The following NUP214 variants were observed in gnomAD, a reference collection of about 807,000 sequenced individuals.
NUP214 encodes nuclear pore complex protein Nup214.
A neutral mutation model predicts 196.2 loss-of-function variants in NUP214; 79 were observed. The observed-to-expected ratio is 0.40, with a 90% CI of 0.34 to 0.49. NUP214 has a LOEUF of 0.49. Ranked by LOEUF, NUP214 falls within the 20% of genes least tolerant of loss-of-function variation. The pLI, the probability that NUP214 is intolerant of heterozygous loss-of-function variation, is 0.58. For synonymous variants in NUP214, 1,020 were observed against 990.5 expected, an observed-to-expected ratio of 1.03 and a Z score of -0.56; for missense variants, 2,468 against 2,539.0, an observed-to-expected ratio of 0.97 and a Z score of 0.60.
In NUP214 at chr9:131,198,971, C is replaced by T; in HGVS notation, c.5477C>T (p.Thr1826Ile). ...GTCTTTGGTGGTACCTCAGCTGCCA[C>T]CACAACAGCAGCAACCTCTGGGTTC... is the stretch of plus-strand genomic sequence containing the variant. Reference protein sequence around the residue: ...GSVFGGTSAATTTAATSGFSF... With the variant: ...GSVFGGTSAAITTAATSGFSF... The change falls in exon 29 of 36, where the codon ACC becomes ATC. Residue 1826 changes from threonine to isoleucine, a missense_variant. Thr to Ile is a moderately conservative substitution (Grantham distance 89). Around this residue, in one of 5 missense-constraint regions of NUP214, gnomAD observed 1,801 missense variants for 1,779.4 expected, o/e 1.01. Transcript: ENST00000359428. 1 of 1,612,504 alleles carries T rather than the reference C, an allele frequency of 6.2e-7. No individual in the cohort carries two copies. The highest frequency in any genetic ancestry group is 8.5e-7 in the Non-Finnish European group (1 of 1,178,742).
intron 27 of NUP214, among the ~76,000 whole-genome samples, chr9:131,194,421 A>G (rs982401566): frequency 1.3e-5 from 2 of 151,932 alleles, no homozygotes; most frequent in African/African-American, 4.8e-5. Context: ...TTTGTTTTGT[A>G]GAAACAGGGT....
chr9:131,178,207 T>C, intron 23 of NUP214, 104 bp from the exon 24 acceptor site: 2 of 788,320 alleles, frequency 2.5e-6, no homozygotes, highest in South Asian at 1.6e-5. Context: ...GATAAGGCTC[T>C]AATCTGCTTG....
At chr9:131,156,229 T>C (rs1318143856) in intron 17 of NUP214, among the ~76,000 whole-genome samples, 1 of 150,014 alleles carries the variant, frequency 6.7e-6, no homozygotes, top group African/African-American at 2.5e-5. Flanking sequence ...ACCTCCCGGG[T>C]TCACGCCATC....
chr9:131,145,324 C>A (rs1832057731), intron 12 of NUP214, among the ~76,000 whole-genome samples: 1 of 152,120 alleles, frequency 6.6e-6, no homozygotes, highest in Non-Finnish European at 1.5e-5. Flanking sequence ...TTATCTTGTT[C>A]TTTTCTTCCC....
chr9:131,184,674 A>C (rs187610127), intron 24 of NUP214, among the ~76,000 whole-genome samples: 28 of 152,128 alleles, frequency 1.8e-4, no homozygotes, highest in Non-Finnish European at 3.5e-4. Context: ...TCAAAGCTCT[A>C]ATGCAATTCC....
intron 21 of NUP214, 86 bp downstream of exon 21, chr9:131,164,230 T>C: frequency 8.3e-7 from 1 of 1,202,544 alleles, no homozygotes; most frequent in Non-Finnish European, 1.2e-6. Context: ...CACGTGTGCA[T>C]GTGTGAGCTA....
At chr9:131,230,899 G>A (rs1039451350) in intron 34 of NUP214, 130 bp downstream of exon 34, 34 of 1,087,374 alleles carry the variant, frequency 3.1e-5, no homozygotes, top group African/African-American at 1.3e-4. Context: ...CGTGGTTCAC[G>A]CCTGTAATCC....
At chr9:131,170,017 A>G (rs1213419444) in intron 21 of NUP214, among the ~76,000 whole-genome samples, 2 of 152,056 alleles carry the variant, frequency 1.3e-5, no homozygotes, top group African/African-American at 4.8e-5. Context: ...GAAAATGGGG[A>G]GTTAGTGTTT....
In NUP214 at chr9:131,192,194, T is replaced by TTTTG; in HGVS notation, c.3575-13_3575-12insTTGT. The TTTTG allele has an allele frequency of 7.9e-7, 1 of 1,269,260 alleles. No homozygotes were observed. Among genetic ancestry groups the TTTTG allele is most frequent in the African/African-American group, 1.6e-5 (1 of 62,070 alleles). The allele number at this position is 1,269,260 out of a possible 1,614,324, so 78.6% of individuals were successfully genotyped here. On this transcript the variant is annotated splice_polypyrimidine_tract_variant and intron_variant, in intron 26 of 35. Transcript: ENST00000359428. ...CTTTTTTTTTTTTTTTTTTTTTTTT[T>TTTTG]TCCATAATTTCAGGGACAGCCAAGA...
At position 131,146,451 on chromosome 9, in the gene NUP214, T is replaced by G. The variant is rs963837909; in HGVS notation, c.1945+147T>G. 3.5e-5 allele frequency: 28 copies of G among 800,024 alleles called. No homozygotes were observed. The highest frequency in any genetic ancestry group is 1.8e-4 in the Admixed American group (7 of 39,378). The allele number at this position is 800,024 out of a possible 1,614,324, so 49.6% of individuals were successfully genotyped here. ...TACATTAATGATTAATGTGCTGTGA[T>G]TTTCATACTCTGAATTGGGAGATTT... On this transcript the variant is annotated intron_variant, in intron 13 of 35. Coordinates refer to ENST00000359428, the MANE Select transcript of NUP214 (RefSeq NM_005085.4). The surrounding 1 kb of genome is among the most constrained non-coding windows in gnomAD (Gnocchi z 4.6).
intron 4 of NUP214, among the ~76,000 whole-genome samples, 167 bp from the exon 5 acceptor site, chr9:131,130,599 A>G (rs1487291600): frequency 6.6e-6 from 1 of 152,254 alleles, no homozygotes; most frequent in Non-Finnish European, 1.5e-5. Flanking sequence ...CAATTGGCTT[A>G]TATCGTTAAA....
chr9:131,198,949 T>G lies in NUP214; in HGVS notation c.5455T>G (p.Phe1819Val). ...SPGFGQGGSVFGGTSAATTTA... is the reference protein window; with the variant it reads ...SPGFGQGGSVVGGTSAATTTA... ...TGGCTTTGGACAGGGAGGCTCTGTCTTTGGTGGTACCTCAGCTGCCACCAC... is the reference window on the plus strand; with the variant it reads ...TGGCTTTGGACAGGGAGGCTCTGTCGTTGGTGGTACCTCAGCTGCCACCAC... The change falls in exon 29 of 36, where the codon TTT becomes GTT. Residue 1819 changes from phenylalanine to valine, a missense_variant. Coordinates refer to ENST00000359428, the MANE Select transcript of NUP214 (RefSeq NM_005085.4). 10 of 1,614,008 alleles carry G rather than the reference T, an allele frequency of 6.2e-6. No homozygotes were observed. The highest frequency in any genetic ancestry group is 7.6e-6 in the Non-Finnish European group (9 of 1,179,860).
At chr9:131,126,745 T>G (rs1403216007) in intron 1 of NUP214, among the ~76,000 whole-genome samples, 1 of 152,032 alleles carries the variant, frequency 6.6e-6, no homozygotes, top group Non-Finnish European at 1.5e-5. Flanking sequence ...AGACTGGGTT[T>G]CACGATGTTG....
At chr9:131,193,933 G>A (rs1029420330) in intron 27 of NUP214, 1 of 151,428 alleles carries the variant, frequency 6.6e-6, no homozygotes, top group South Asian at 2.1e-4. Flanking sequence ...TTGTAGGCAC[G>A]AGCCACTGCA....
At chr9:131,223,736 T>TA (rs1415275798) in intron 32 of NUP214, among the ~76,000 whole-genome samples, 726 of 28,564 alleles carry the variant, frequency 0.025, 22 homozygotes, top group African/African-American at 0.052. Flanking sequence ...TATTTTTTTT[T>TA]TTTTTTTTTT....
chr9:131,131,021 T>C (rs918540062), intron 5 of NUP214, among the ~76,000 whole-genome samples, 185 bp downstream of exon 5: 2 of 152,218 alleles, frequency 1.3e-5, no homozygotes, highest in African/African-American at 4.8e-5. Flanking sequence ...GCACCCACTA[T>C]GTTGTGTTGA....
At chr9:131,171,869 C>T (rs1832968634) in intron 21 of NUP214, among the ~76,000 whole-genome samples, 1 of 152,096 alleles carries the variant, frequency 6.6e-6, no homozygotes, top group South Asian at 2.1e-4. Flanking sequence ...CATGTCCCTA[C>T]AAAGGACATG....
chr9:131,209,093 G>C (rs1438392850), intron 30 of NUP214, among the ~76,000 whole-genome samples: 2 of 151,736 alleles, frequency 1.3e-5, no homozygotes, highest in Non-Finnish European at 2.9e-5. Flanking sequence ...TGCTAAGGCT[G>C]GGCGCAGTGG....
At chr9:131,193,532 A>G (rs1833672491) in intron 27 of NUP214, among the ~76,000 whole-genome samples, 1 of 150,076 alleles carries the variant, frequency 6.7e-6, no homozygotes, top group Admixed American at 6.7e-5. Context: ...GGTAATTTGC[A>G]GCAAATTTTA....
Sources: gnomAD v4.1 joint callset for allele counts (sites outside exome capture counted in the v4.1 genomes callset) on GRCh38, gnomAD v4.1.1 for gene constraint, gnomAD v4.1.1 regional missense constraint, Gnocchi (gnomAD v3.1) non-coding constraint, MANE v1.5 for transcripts, NCBI Gene and HGNC (gene_info 2026-07-23, HGNC 2026-07-21) for gene names.